Variants in ENOX1 observed in about 807,000 individuals in gnomAD.
ENOX1 encodes the protein candidate growth-related and time keeping constitutive hydroquinone (NADH) oxidase.
In ENOX1, 42 loss-of-function variants were observed where a neutral mutation model predicts 82.5. The ratio of observed to expected loss-of-function variants is 0.51; its 90% CI spans 0.40 to 0.66. The LOEUF is 0.66. Among genes scored for constraint, ENOX1 ranks in the 30% least tolerant of loss-of-function variants. ENOX1 has a pLI of 0.00. For synonymous variants in ENOX1, 271 were observed against 282.2 expected, an observed-to-expected ratio of 0.96 and a Z score of 0.40; for missense variants, 608 against 811.6, an observed-to-expected ratio of 0.75 and a Z score of 3.05.
At chr13:43,759,446 A>C (rs577359991) in intron 1 of ENOX1, among the ~76,000 whole-genome samples, 1 of 152,286 alleles carries the variant, frequency 6.6e-6, no homozygotes, top group East Asian at 1.9e-4. Flanking sequence ...ACATATATCC[A>C]AAGAGTCATA....
intron 2 of ENOX1, among the ~76,000 whole-genome samples, chr13:43,631,325 T>C (rs1192265955): frequency 3.9e-5 from 6 of 152,192 alleles, no homozygotes; most frequent in Non-Finnish European, 1.5e-5. Flanking sequence ...AATTCACTCT[T>C]GGCCTCAGCA....
chr13:43,241,861 CT>C (rs1350756036), intron 14 of ENOX1, among the ~76,000 whole-genome samples: 1 of 152,118 alleles, frequency 6.6e-6, no homozygotes, highest in East Asian at 1.9e-4. Context: ...TAGAGGAGCT[CT>C]TTTTCAATAG....
At chr13:43,445,299 A>G (rs1410887419) in intron 3 of ENOX1, among the ~76,000 whole-genome samples, 1 of 151,508 alleles carries the variant, frequency 6.6e-6, no homozygotes, top group Non-Finnish European at 1.5e-5. Context: ...AATTTTTTGT[A>G]TTTTTAGTAG....
chr13:43,454,479 T>C (rs2057126093), intron 3 of ENOX1, among the ~76,000 whole-genome samples: 1 of 152,160 alleles, frequency 6.6e-6, no homozygotes, highest in Non-Finnish European at 1.5e-5. Flanking sequence ...TACATCCCTA[T>C]ACTTAAGTAC....
At chr13:43,494,971 T>C (rs536697096) in intron 2 of ENOX1, among the ~76,000 whole-genome samples, 1 of 152,208 alleles carries the variant, frequency 6.6e-6, no homozygotes, top group South Asian at 2.1e-4. Context: ...TGGGGGAGAC[T>C]GTAAGAACAC....
chr13:43,366,317 C>T (rs1167618191), intron 5 of ENOX1, among the ~76,000 whole-genome samples: 2 of 152,066 alleles, frequency 1.3e-5, no homozygotes, highest in Non-Finnish European at 2.9e-5. Context: ...CACTGTCATC[C>T]AGGCTGGAGT....
chr13:43,703,155 T>C (rs932169672), intron 1 of ENOX1, among the ~76,000 whole-genome samples: 5 of 152,036 alleles, frequency 3.3e-5, no homozygotes, highest in African/African-American at 1.2e-4. Flanking sequence ...ACCTATTCTA[T>C]GGTATTTTGT....
intron 14 of ENOX1, among the ~76,000 whole-genome samples, chr13:43,257,777 G>A (rs1007133477): frequency 6.6e-6 from 1 of 152,138 alleles, no homozygotes; most frequent in African/African-American, 2.4e-5. Context: ...ATCTCTGGTA[G>A]GATTATCATG....
At chr13:43,769,380 C>A (rs1159748284) in intron 1 of ENOX1, among the ~76,000 whole-genome samples, 1 of 152,166 alleles carries the variant, frequency 6.6e-6, no homozygotes, top group Non-Finnish European at 1.5e-5. Flanking sequence ...GACCAAGGCA[C>A]ACTAAGTGTT....
intron 2 of ENOX1, among the ~76,000 whole-genome samples, chr13:43,592,005 C>T (rs943283196): frequency 6.6e-6 from 1 of 151,790 alleles, no homozygotes; most frequent in Non-Finnish European, 1.5e-5. Context: ...GGAGGGCCAG[C>T]CTGTGGACCA....
intron 1 of ENOX1, among the ~76,000 whole-genome samples, chr13:43,771,777 T>C (rs1040639197): frequency 2.6e-5 from 4 of 151,886 alleles, no homozygotes; most frequent in African/African-American, 9.7e-5. Context: ...TCTTTTTTTT[T>C]TCTTTGAGAT....
intron 2 of ENOX1, among the ~76,000 whole-genome samples, chr13:43,566,558 G>A (rs1413952677): frequency 2.0e-5 from 3 of 151,924 alleles, no homozygotes; most frequent in Non-Finnish European, 4.4e-5. Flanking sequence ...TCTATCTTCT[G>A]TTGGAATGTT....
intron 14 of ENOX1, among the ~76,000 whole-genome samples, chr13:43,238,321 T>G (rs552079289): frequency 2.0e-5 from 3 of 152,218 alleles, no homozygotes; most frequent in Non-Finnish European, 2.9e-5. Context: ...AAAGGCTTAT[T>G]ATGTAGATGG....
intron 16 of ENOX1, among the ~76,000 whole-genome samples, chr13:43,214,777 A>G (rs1317248582): frequency 6.6e-6 from 1 of 152,232 alleles, no homozygotes; most frequent in Non-Finnish European, 1.5e-5. Context: ...CAAATCAGCC[A>G]TAATCCCTCT....
intron 8 of ENOX1, among the ~76,000 whole-genome samples, chr13:43,355,583 CTGCTT>C (rs2050093574): frequency 6.6e-6 from 1 of 152,210 alleles, no homozygotes; most frequent in African/African-American, 2.4e-5. Flanking sequence ...AGATAATAGC[CTGCTT>C]TGGGGACCTT....
chr13:43,512,283 T>G (rs1198086699), intron 2 of ENOX1, among the ~76,000 whole-genome samples: 2 of 152,122 alleles, frequency 1.3e-5, no homozygotes, highest in Non-Finnish European at 2.9e-5. Flanking sequence ...CACGGTTAGG[T>G]TCTCATACCA....
chr13:43,601,892 T>C (rs773514921), intron 2 of ENOX1, among the ~76,000 whole-genome samples: 2 of 151,996 alleles, frequency 1.3e-5, no homozygotes, highest in African/African-American at 2.4e-5. Context: ...GAGTGTGAAA[T>C]GACATATTTA....
chr13:43,726,156 C>T (rs1365545814), intron 1 of ENOX1, among the ~76,000 whole-genome samples: 6 of 150,010 alleles, frequency 4.0e-5, no homozygotes, highest in African/African-American at 9.8e-5. Flanking sequence ...ATAAAGAATA[C>T]ACCAAAAAAA....
intron 1 of ENOX1, among the ~76,000 whole-genome samples, chr13:43,677,304 G>GGGAGAGC (rs1346081903): frequency 2.0e-5 from 3 of 152,124 alleles, no homozygotes; most frequent in African/African-American, 7.2e-5. Flanking sequence ...ATGGGAGGCA[G>GGGAGAGC]GGAGAGCAAA....
Sources: allele counts gnomAD v4.1 joint callset (sites outside exome capture counted in the v4.1 genomes callset), GRCh38; gene constraint gnomAD v4.1.1; transcripts MANE v1.5; gene names NCBI Gene and HGNC (gene_info 2026-07-23, HGNC 2026-07-21).